CCSER1: variants seen among roughly 807,000 people sequenced by gnomAD.
CCSER1 encodes the protein serine-rich coiled-coil domain-containing protein 1.
In CCSER1, 41 loss-of-function variants were observed where a neutral mutation model predicts 82.0. The ratio of observed to expected loss-of-function variants is 0.50; its 90% confidence interval spans 0.39 to 0.65. The LOEUF (loss-of-function observed/expected upper bound fraction) is 0.65, where lower values mean the gene tolerates loss of function less well. Ranked by LOEUF, CCSER1 falls within the 30% of genes least tolerant of loss-of-function variation. CCSER1 has a pLI of 0.00. For synonymous variants in CCSER1, 414 were observed against 383.9 expected (o/e 1.08, Z -0.92); for missense variants, 1,119 against 1,064.2 (o/e 1.05, Z -0.72).
chr4:91,582,641 G>A (rs1226436800), intron 10 of CCSER1, among the ~76,000 whole-genome samples: 1 of 151,260 alleles, frequency 6.6e-6, no homozygotes, highest in East Asian at 1.9e-4. Context: ...ATTTAGGTTG[G>A]TGCAAAAGTA....
intron 9 of CCSER1, among the ~76,000 whole-genome samples, chr4:91,029,321 GA>G (rs1740768859): frequency 6.6e-6 from 1 of 151,320 alleles, no homozygotes; most frequent in Admixed American, 6.6e-5. Flanking sequence ...ATACTTTGTT[GA>G]TGAAATTATA....
At chr4:90,607,910 C>A (rs1452408307) in intron 5 of CCSER1, among the ~76,000 whole-genome samples, 2 of 152,024 alleles carry the variant, frequency 1.3e-5, no homozygotes, top group Non-Finnish European at 2.9e-5. Context: ...TCCACTTAAC[C>A]GTTTTTAAAT....
intron 10 of CCSER1, among the ~76,000 whole-genome samples, chr4:91,326,336 G>T (rs1969532): frequency 0.087 from 13,223 of 152,118 alleles, 863 homozygotes; most frequent in East Asian, 0.18. Flanking sequence ...TGAAGGGGAA[G>T]TGAGCATGTC....
chr4:90,770,500 A>G (rs1413496887), intron 7 of CCSER1, among the ~76,000 whole-genome samples: 1 of 152,236 alleles, frequency 6.6e-6, no homozygotes, highest in Non-Finnish European at 1.5e-5. Context: ...GAGTTATTGA[A>G]CAAGATTTTA....
intron 1 of CCSER1, among the ~76,000 whole-genome samples, chr4:90,244,723 C>G (rs1721113431): frequency 6.6e-6 from 1 of 152,114 alleles, no homozygotes. Context: ...CATGGGGAAA[C>G]CGCCCCCATA....
At chr4:90,265,819 A>G (rs910746487) in intron 1 of CCSER1, among the ~76,000 whole-genome samples, 1 of 152,122 alleles carries the variant, frequency 6.6e-6, no homozygotes, top group African/African-American at 2.4e-5. Context: ...GAATAGATAC[A>G]TAGAATAAAA....
chr4:91,181,530 A>G (rs551925133), intron 10 of CCSER1, among the ~76,000 whole-genome samples: 2 of 152,298 alleles, frequency 1.3e-5, no homozygotes, highest in Non-Finnish European at 2.9e-5. Flanking sequence ...AGGTGCCACT[A>G]TACCACAGTG....
At chr4:91,296,479 ATATATATT>A (rs1744184521) in intron 10 of CCSER1, among the ~76,000 whole-genome samples, 2 of 105,638 alleles carry the variant, frequency 1.9e-5, no homozygotes, top group East Asian at 2.4e-4. Flanking sequence ...ATATATATAT[ATATATATT>A]TTAATTAAAT....
rs556438753 is a variant in CCSER1, at chr4:91,327,309, C to T, written c.2217+241315C>T. ...CTCCTCAACTCTTGTCTTCTGTGCA[C>T]CCACAGGCCCAATACCACGGGGAAG... is the stretch of plus-strand genomic sequence containing the variant. On this transcript the variant is annotated intron_variant, in intron 10 of 10. Transcript: ENST00000509176. Among the ~76,000 whole-genome samples, 13 of 152,326 alleles carry T rather than the reference C, an allele frequency of 8.5e-5. No individual in the cohort carries two copies. In the South Asian group the frequency reaches 2.7e-3, roughly 32 times the overall value.
At chr4:91,287,807 A>G (rs1195335689) in intron 10 of CCSER1, among the ~76,000 whole-genome samples, 1 of 151,918 alleles carries the variant, frequency 6.6e-6, no homozygotes, top group Non-Finnish European at 1.5e-5. Flanking sequence ...AGCTAATACA[A>G]TAGATAGCTA....
intron 1 of CCSER1, among the ~76,000 whole-genome samples, chr4:90,151,912 T>C (rs1444363794): frequency 6.6e-6 from 1 of 152,164 alleles, no homozygotes; most frequent in Admixed American, 6.5e-5. Flanking sequence ...CTATAGATGC[T>C]AATGCATTAA....
chr4:90,465,317 G>C (rs909327606), intron 4 of CCSER1, among the ~76,000 whole-genome samples: 28 of 143,028 alleles, frequency 2.0e-4, no homozygotes, highest in African/African-American at 7.4e-4. Context: ...CACTTTCCGT[G>C]TTCTTTTTTT....
At chr4:91,584,340 A>T (rs2110322918) in intron 10 of CCSER1, among the ~76,000 whole-genome samples, 1 of 151,620 alleles carries the variant, frequency 6.6e-6, no homozygotes, top group South Asian at 2.1e-4. Flanking sequence ...ATGAAGAGGC[A>T]TGGTTTCTCA....
At chr4:90,389,741 A>G (rs926445068) in intron 3 of CCSER1, among the ~76,000 whole-genome samples, 1 of 152,178 alleles carries the variant, frequency 6.6e-6, no homozygotes, top group African/African-American at 2.4e-5. Flanking sequence ...CTTCTACTTA[A>G]GTGGACACAG....
chr4:90,571,481 G>A (rs1257319515), intron 5 of CCSER1, among the ~76,000 whole-genome samples: 1 of 152,134 alleles, frequency 6.6e-6, no homozygotes, highest in African/African-American at 2.4e-5. Context: ...ATCCTAAGAA[G>A]ATTAATGCAG....
intron 10 of CCSER1, among the ~76,000 whole-genome samples, chr4:91,266,559 G>A (rs1741605958): frequency 6.6e-6 from 1 of 152,020 alleles, no homozygotes; most frequent in African/African-American, 2.4e-5. Flanking sequence ...CCTTAAGCTG[G>A]AATTTGAGGA....
rs1392894017 is a variant in CCSER1, at chr4:91,599,016, C to T, written c.2662C>T (p.His888Tyr). The T allele has an allele frequency of 6.4e-7, 1 of 1,551,180 alleles. No individual in the cohort carries two copies. Among genetic ancestry groups the T allele is most frequent in the South Asian group, 1.2e-5 (1 of 84,020 alleles). Reference protein sequence around the residue: ...RKNVFLHHNLHSTELQTLGQQ... With the variant: ...RKNVFLHHNLYSTELQTLGQQ... ...GAATGTGTTTCTCCACCACAATTTACACAGCACTGAGCTGCAAACTCTAGG... is the reference window on the plus strand; with the variant it reads ...GAATGTGTTTCTCCACCACAATTTATACAGCACTGAGCTGCAAACTCTAGG... Residue 888 changes from histidine to tyrosine, a missense_variant, in exon 11 of 11, where the codon CAC (histidine) becomes TAC (tyrosine). His to Tyr is a moderately conservative substitution (Grantham distance 83). Transcript: ENST00000509176.
At chr4:91,520,329 A>G (rs1274035468) in intron 10 of CCSER1, among the ~76,000 whole-genome samples, 1 of 148,786 alleles carries the variant, frequency 6.7e-6, no homozygotes, top group African/African-American at 2.5e-5. Flanking sequence ...ATCAGTGTTG[A>G]CCAGATTGGC....
At chr4:90,448,647 G>A (rs1057361316) in intron 4 of CCSER1, among the ~76,000 whole-genome samples, 5 of 150,988 alleles carry the variant, frequency 3.3e-5, no homozygotes, top group Non-Finnish European at 7.4e-5. Context: ...TTTTTTTTCT[G>A]TATCATTTAG....
Sources: gnomAD v4.1 joint callset for allele counts (sites outside exome capture counted in the v4.1 genomes callset) on GRCh38, gnomAD v4.1.1 for gene constraint, MANE v1.5 for transcripts, NCBI Gene and HGNC (gene_info 2026-07-23, HGNC 2026-07-21) for gene names.